The following ROBO2 variants were observed in gnomAD, a reference collection of about 807,000 sequenced individuals.
ROBO2 encodes roundabout guidance receptor 2.
ROBO2 carries 53 observed loss-of-function variants against 160.8 expected under a neutral mutation model. That is an observed-to-expected ratio of 0.33 (90% CI 0.26 to 0.41). The LOEUF (loss-of-function observed/expected upper bound fraction) is 0.41. Ranked by LOEUF, ROBO2 falls within the 10% of genes least tolerant of loss-of-function variation. The pLI, the probability that ROBO2 is intolerant of heterozygous loss-of-function variation, is 1.00. For missense variants in ROBO2, 1,577 were observed against 1,722.4 expected, an observed-to-expected ratio of 0.92 and a Z score of 1.49; for synonymous variants, 664 against 611.7, an observed-to-expected ratio of 1.09 and a Z score of -1.26.
At chr3:76,459,333 A>G (rs1311786120) in intron 2 of ROBO2, among the ~76,000 whole-genome samples, 1 of 152,232 alleles carries the variant, frequency 6.6e-6, no homozygotes, top group Non-Finnish European at 1.5e-5. Context: ...AGACTTATAA[A>G]ATTTCAACGG....
intron 2 of ROBO2, among the ~76,000 whole-genome samples, chr3:76,499,157 C>G (rs1292616611): frequency 5.3e-5 from 8 of 152,116 alleles, no homozygotes; most frequent in Non-Finnish European, 1.2e-4. Flanking sequence ...GATCTCATGA[C>G]CTTATTGGAG....
intron 20 of ROBO2, 76 bp from the exon 22 acceptor site, chr3:77,607,722 A>C: frequency 7.4e-7 from 1 of 1,343,170 alleles, no homozygotes; most frequent in Non-Finnish European, 1.1e-6. Flanking sequence ...TTGAAACATA[A>C]ATACACCTTG....
At chr3:77,326,237 A>G (rs1185560339) in intron 2 of ROBO2, among the ~76,000 whole-genome samples, 3 of 152,200 alleles carry the variant, frequency 2.0e-5, no homozygotes, top group African/African-American at 7.2e-5. Context: ...ATTTGAGAAC[A>G]CTTTGAAAAT....
chr3:77,588,988 T>C, intron 17 of ROBO2, 55 bp downstream of exon 18: 2 of 1,589,210 alleles, frequency 1.3e-6, no homozygotes, highest in Admixed American at 1.7e-5. Flanking sequence ...TGTAATGAAA[T>C]GAATGGAAGG....
At chr3:77,614,429 C>T (rs186936003) in intron 21 of ROBO2, among the ~76,000 whole-genome samples, 1 of 152,014 alleles carries the variant, frequency 6.6e-6, no homozygotes, top group Admixed American at 6.6e-5. Context: ...ATGGTATTTT[C>T]TAGTATAAAA....
intron 2 of ROBO2, among the ~76,000 whole-genome samples, chr3:76,527,171 G>C (rs575055839): frequency 9.9e-5 from 15 of 151,616 alleles, no homozygotes; most frequent in Non-Finnish European, 1.9e-4. Context: ...GAAAAAAAAG[G>C]CTTGAAAAAA....
chr3:77,237,009 G>GACT (rs1246187615), intron 2 of ROBO2, among the ~76,000 whole-genome samples: 2 of 151,910 alleles, frequency 1.3e-5, no homozygotes, highest in African/African-American at 4.8e-5. Flanking sequence ...GAGTAGCTAG[G>GACT]ACTACAGGCA....
At chr3:76,886,123 G>A (rs1044293115) in intron 2 of ROBO2, among the ~76,000 whole-genome samples, 3 of 152,108 alleles carry the variant, frequency 2.0e-5, no homozygotes, top group African/African-American at 7.2e-5. Context: ...GCACCTGCAT[G>A]TTTTTGCTCT....
Position 76,965,783 on chromosome 3 carries a change from G to GTATATATATATATA in ROBO2, c.110-132230_110-132229insATATATATATATAT, listed in dbSNP as rs1392105349. ...TGCTATACCATTATTTATTGTGTTT[G>GTATATATATATATA]TGTATATATATATATATATATATAT... On this transcript the variant is annotated intron_variant, in intron 2 of 26. Coordinates refer to the ROBO2 transcript ENST00000487694. 3.1e-4 allele frequency among the ~76,000 whole-genome samples: 21 copies of GTATATATATATATA among 67,994 alleles called. 1 individual carries two copies. The highest frequency in any genetic ancestry group is 1.9e-3 in the Admixed American group (13 of 7,022). The allele number at this position is 67,994 out of a possible 152,430, so 44.6% of individuals were successfully genotyped here. A position where few individuals can be genotyped will look rare whatever the true frequency, so the allele number is the denominator to read the frequency against.
At chr3:76,528,812 A>C (rs893343951) in intron 2 of ROBO2, among the ~76,000 whole-genome samples, 23 of 152,154 alleles carry the variant, frequency 1.5e-4, no homozygotes, top group African/African-American at 5.1e-4. Context: ...ACTTTTACAG[A>C]TTACGGAAAT....
chr3:76,722,225 G>A (rs187843641), intron 2 of ROBO2, among the ~76,000 whole-genome samples: 209 of 152,058 alleles, frequency 1.4e-3, no homozygotes, highest in African/African-American at 4.6e-3. Context: ...GTTTCACGCC[G>A]TTCTTCTGCC....
At chr3:76,777,636 A>T (rs936101356) in intron 2 of ROBO2, among the ~76,000 whole-genome samples, 1 of 150,396 alleles carries the variant, frequency 6.6e-6, no homozygotes, top group Non-Finnish European at 1.5e-5. Flanking sequence ...GACGTTCCTT[A>T]TATCTTATTT....
At chr3:77,014,607 A>G (rs1280012086) in intron 2 of ROBO2, among the ~76,000 whole-genome samples, 2 of 152,214 alleles carry the variant, frequency 1.3e-5, no homozygotes, top group Non-Finnish European at 2.9e-5. Flanking sequence ...TTAAACTGTA[A>G]GAGCTGTCTC....
intron 16 of ROBO2, among the ~76,000 whole-genome samples, chr3:77,582,584 T>G (rs2093948463): frequency 6.6e-6 from 1 of 152,154 alleles, no homozygotes; most frequent in Non-Finnish European, 1.5e-5. Context: ...TGGCTGCTCT[T>G]GGATTATTAG....
chr3:76,517,078 G>T (rs949397014), intron 2 of ROBO2, among the ~76,000 whole-genome samples: 12 of 152,148 alleles, frequency 7.9e-5, no homozygotes, highest in Non-Finnish European at 2.9e-5. Context: ...ATGAAATTAT[G>T]TATCTATATC....
chr3:77,156,554 C>A (rs2150573195), intron 2 of ROBO2, among the ~76,000 whole-genome samples: 1 of 151,914 alleles, frequency 6.6e-6, no homozygotes, highest in Non-Finnish European at 1.5e-5. Flanking sequence ...TTGCAAGTTG[C>A]TGTGAGAAAT....
At chr3:77,172,656 T>C (rs2079754637) in intron 2 of ROBO2, among the ~76,000 whole-genome samples, 1 of 152,214 alleles carries the variant, frequency 6.6e-6, no homozygotes, top group South Asian at 2.1e-4. Context: ...GGTAGTGTCC[T>C]TTTATTTTAA....
At chr3:77,549,875 G>A (rs2092848817) in intron 7 of ROBO2, among the ~76,000 whole-genome samples, 1 of 151,896 alleles carries the variant, frequency 6.6e-6, no homozygotes, top group Non-Finnish European at 1.5e-5. Context: ...ACTATATGGA[G>A]AAACAGATCC....
At chr3:76,240,910 C>T (rs777671523) in intron 2 of ROBO2, among the ~76,000 whole-genome samples, 15 of 152,126 alleles carry the variant, frequency 9.9e-5, no homozygotes, top group Non-Finnish European at 2.1e-4. Flanking sequence ...GGTACTTCCT[C>T]TACATAAAGC....
Sources: allele counts gnomAD v4.1 joint callset (sites outside exome capture counted in the v4.1 genomes callset), GRCh38; gene constraint gnomAD v4.1.1; transcripts MANE v1.5; gene names NCBI Gene and HGNC (gene_info 2026-07-23, HGNC 2026-07-21).